The following MDN1 variants were observed in gnomAD, a reference collection of about 807,000 sequenced individuals.
The protein encoded by MDN1 is midasin.
MDN1 carries 266 observed loss-of-function variants against 669.2 expected under a neutral mutation model. The ratio of observed to expected loss-of-function variants is 0.40; its 90% CI spans 0.36 to 0.44. MDN1 has a LOEUF of 0.44. Ranked by LOEUF, MDN1 falls within the 20% of genes least tolerant of loss-of-function variation. MDN1 has a pLI of 1.00. For synonymous variants in MDN1, 2,385 were observed against 2,457.1 expected (o/e 0.97, Z 0.87); for missense variants, 5,940 against 6,754.0 (o/e 0.88, Z 4.22).
rs1170495188 is a variant in MDN1 at position 89,758,326 on chromosome 6, G to T, written c.2631C>A (p.Phe877Leu). ...DTEPLVRHPD[F>L]RLFACMNPAT... ...CTGGATTCATACAGGCAAATAAACG[G>T]AAGTCAGGATGCCGAACCAGTGGCT... Residue 877 changes from phenylalanine (F) to leucine (L), a missense_variant, in exon 19 of 102, where the codon TTC becomes TTA. Physicochemically the swap from Phe to Leu is conservative, Grantham distance 22. This residue lies in a region of MDN1 where 1,203 missense variants were observed against 1,268.9 expected (regional missense o/e 0.95). Transcript: ENST00000369393. 6.2e-7 allele frequency: 1 copy of T among 1,611,034 alleles called. No individual in the cohort carries two copies. The highest frequency in any genetic ancestry group is 2.2e-5 in the East Asian group (1 of 44,860).
Position 89,674,400 on chromosome 6 carries a change from A to G in MDN1, c.12951T>C (p.Ala4317=). 1 of 1,614,162 alleles carries G rather than the reference A, an allele frequency of 6.2e-7. No individual in the cohort carries two copies. ...GTACCTGGACATTGCCATGGCCTGG[A>G]GCTGGCCCTACACTGGGGCAGCACT... ...LLQCCPSVGP[A]PGHGNVQVLG... The change falls in exon 79 of 102, where the codon GCT becomes GCC. Residue 4317 remains alanine, a synonymous_variant. Transcript: ENST00000369393.
rs1814399224 is a variant in MDN1 at position 89,716,717 on chromosome 6, C to G, written c.6676G>C (p.Asp2226His). 1.2e-6 allele frequency: 2 copies of G among 1,614,128 alleles called. No homozygotes were observed. Among genetic ancestry groups the G allele is most frequent in the Non-Finnish European group, 1.7e-6 (2 of 1,179,972 alleles). ...TTCAGGGCCTGAACCAACATGCTGT[C>G]AACCCATTCAAATGTGCCATGGCTA... ...GHSHGTFEWV[D>H]SMLVQALKSG... Residue 2226 changes from aspartate to histidine, a missense_variant, in exon 44 of 102, where the codon GAC (aspartate) becomes CAC (histidine). This residue lies in a region of MDN1 where 2,292 missense variants were observed against 2,638.3 expected (regional missense o/e 0.87). Transcript: ENST00000369393.
chr6:89,768,862 T>C (rs988318646), intron 15 of MDN1, among the ~76,000 whole-genome samples: 2 of 151,894 alleles, frequency 1.3e-5, no homozygotes, highest in Admixed American at 6.6e-5. Context: ...TCCAGACCAG[T>C]CTGGGCAACA....
Position 89,646,595 on chromosome 6 carries a change from C to G in MDN1, c.16404G>C (p.Glu5468Asp). ...QKKTKIAQFL[E>D]SVANMFAAAQ... ...CAGCTGCAAACATGTTGGCAACAGA[C>G]TCTAGAAACTAAACCGGAACCAGGA... Residue 5468 changes from glutamate (E) to aspartate (D), a missense_variant, in exon 100 of 102, where the codon GAG becomes GAC. Around this residue, in one of 5 missense-constraint regions of MDN1, gnomAD observed 2,280 missense variants for 2,576.3 expected, o/e 0.88. Transcript: ENST00000369393. 6.2e-7 allele frequency: 1 copy of G among 1,614,052 alleles called. No homozygotes were observed. The highest frequency in any genetic ancestry group is 8.5e-7 in the Non-Finnish European group (1 of 1,179,944).
chr6:89,775,670 C>CT (rs547187251), intron 12 of MDN1, among the ~76,000 whole-genome samples: 309 of 149,382 alleles, frequency 2.1e-3, no homozygotes, highest in Middle Eastern at 3.4e-3. Flanking sequence ...CTCTTTGCAA[C>CT]TTTTTTTTTT....
In MDN1 at chr6:89,747,583, C is replaced by T. The variant is rs1050917818; in HGVS notation, c.3763-113G>A. ...ATTTATGCTCCCATTTAAATGATTT[C>T]ATTCCACTGAATAAGATTAATTTTT... On this transcript the variant is annotated intron_variant, in intron 26 of 101. Coordinates refer to ENST00000369393, the MANE Select transcript of MDN1 (RefSeq NM_014611.3). The T allele has an allele frequency of 2.5e-6, 3 of 1,206,696 alleles. No individual in the cohort carries two copies. The African/African-American group carries it at 4.6e-5, about 19-fold the overall frequency. 74.7% of individuals were successfully genotyped at this position (1,206,696 alleles called of 1,614,324 possible).
chr6:89,790,064 A>G lies in MDN1; in HGVS notation c.1098+95T>C, dbSNP rs1819169825. Reference sequence around the variant, plus strand: ...GGCCCCAACAGTTATAAGCAAGACCAATAACTATTGTTATATTCCCTTAGC... The same window carrying G: ...GGCCCCAACAGTTATAAGCAAGACCGATAACTATTGTTATATTCCCTTAGC... On this transcript the variant is annotated intron_variant, in intron 6 of 101. Transcript: ENST00000369393. 8 of 1,591,152 alleles carry G rather than the reference A, an allele frequency of 5.0e-6. No homozygotes were observed. The East Asian group carries it at 1.8e-4, about 36-fold the overall frequency.
chr6:89,799,202 T>C (rs1767471944), intron 2 of MDN1, among the ~76,000 whole-genome samples: 1 of 152,154 alleles, frequency 6.6e-6, no homozygotes, highest in South Asian at 2.1e-4. Context: ...AAGTGCATGC[T>C]CCACCACAAC....
At chr6:89,707,057 G>A (rs1256070753) in intron 52 of MDN1, among the ~76,000 whole-genome samples, 3 of 152,090 alleles carry the variant, frequency 2.0e-5, no homozygotes, top group Admixed American at 2.0e-4. Flanking sequence ...TGCTAGAGAC[G>A]TGACCTTGAG....
At position 89,740,319 on chromosome 6, in the gene MDN1, T is replaced by A; in HGVS notation, c.4508A>T (p.Asp1503Val). 6.2e-7 allele frequency: 1 copy of A among 1,606,716 alleles called. No individual in the cohort carries two copies. The part of the protein sequence containing the change: ...LAEKGSPEDK[D>V]SEIELLTAGK... ...AGCAGTCAACAGCTCTATTTCACTATCCTTGTCCTCTGGACTGCCTTTTTC... is the reference window on the plus strand; with the variant it reads ...AGCAGTCAACAGCTCTATTTCACTAACCTTGTCCTCTGGACTGCCTTTTTC... Residue 1503 changes from aspartate (D) to valine (V), a missense_variant, in exon 32 of 102, where the codon GAT becomes GTT. By Grantham distance (152) the Asp-to-Val change is radical. Around this residue, in one of 5 missense-constraint regions of MDN1, gnomAD observed 2,292 missense variants for 2,638.3 expected, o/e 0.87. Coordinates refer to ENST00000369393, the MANE Select transcript of MDN1 (RefSeq NM_014611.3).
At chr6:89,759,091 T>C in intron 17 of MDN1, 131 bp from the exon 18 acceptor site, 1 of 845,272 alleles carries the variant, frequency 1.2e-6, no homozygotes, top group Non-Finnish European at 1.8e-6. Flanking sequence ...ATACTTTAAC[T>C]GGCTGACAGC....
chr6:89,719,616 T>C (rs1478679043), intron 40 of MDN1, among the ~76,000 whole-genome samples: 1 of 152,220 alleles, frequency 6.6e-6, no homozygotes, highest in Non-Finnish European at 1.5e-5. Flanking sequence ...AAAATGACCA[T>C]TCATTAACCA....
At chr6:89,789,072 C>T (rs1004448880) in intron 7 of MDN1, among the ~76,000 whole-genome samples, 3 of 151,790 alleles carry the variant, frequency 2.0e-5, no homozygotes, top group Non-Finnish European at 4.4e-5. Context: ...TGCAGTGAGC[C>T]GAGATCGTGC....
intron 60 of MDN1, 136 bp from the exon 61 acceptor site, chr6:89,696,128 C>T: frequency 7.7e-7 from 1 of 1,292,314 alleles, no homozygotes; most frequent in Non-Finnish European, 1.1e-6. Flanking sequence ...TCTGTTCTCA[C>T]ATGGTCTTAT....
chr6:89,673,435 C>A lies in MDN1; in HGVS notation c.13275G>T (p.Ala4425=), dbSNP rs781029849. The A allele has an allele frequency of 6.2e-7, 1 of 1,614,166 alleles. No individual in the cohort carries two copies. Among genetic ancestry groups the A allele is most frequent in the South Asian group, 1.1e-5 (1 of 91,084 alleles). ...CTGACACCTGGGACAAGCAACTCAGCGCAGAAGAGCAAACTTCAAAATCTT... is the reference window on the plus strand; with the variant it reads ...CTGACACCTGGGACAAGCAACTCAGAGCAGAAGAGCAAACTTCAAAATCTT... The part of the protein sequence containing the change: ...SWKDFEVCSS[A]LSCLSQVSVH... Residue 4425 remains alanine, a synonymous_variant, in exon 80 of 102, where the codon GCG becomes GCT. Coordinates refer to ENST00000369393, the MANE Select transcript of MDN1 (RefSeq NM_014611.3).
At chr6:89,756,695 G>C (rs372849379) in intron 19 of MDN1, among the ~76,000 whole-genome samples, 8 of 152,280 alleles carry the variant, frequency 5.3e-5, no homozygotes, top group Admixed American at 3.3e-4. Context: ...GGCCGAGGCC[G>C]GTGGATCACG....
chr6:89,771,188 G>A (rs1818062872), intron 15 of MDN1, among the ~76,000 whole-genome samples: 1 of 152,156 alleles, frequency 6.6e-6, no homozygotes, highest in Non-Finnish European at 1.5e-5. Context: ...CCAGAAGAAT[G>A]ACTGATCCTT....
At chr6:89,767,730 T>C (rs1421050630) in intron 15 of MDN1, among the ~76,000 whole-genome samples, 4 of 152,072 alleles carry the variant, frequency 2.6e-5, no homozygotes, top group African/African-American at 7.2e-5. Flanking sequence ...CACTCCAGCC[T>C]GGACAACAAG....
At chr6:89,779,832 G>A (rs373926625) in intron 11 of MDN1, among the ~76,000 whole-genome samples, 5 of 152,164 alleles carry the variant, frequency 3.3e-5, no homozygotes, top group Admixed American at 2.0e-4. Flanking sequence ...CTGGGAGGCC[G>A]ACGTGGGTGG....
Sources: allele counts gnomAD v4.1 joint callset (sites outside exome capture counted in the v4.1 genomes callset), GRCh38; gene constraint gnomAD v4.1.1; regional missense constraint gnomAD v4.1.1; transcripts MANE v1.5; gene names NCBI Gene and HGNC (gene_info 2026-07-23, HGNC 2026-07-21).